Variants in ADAM12 observed in about 807,000 individuals in gnomAD.
The protein encoded by ADAM12 is disintegrin and metalloproteinase domain-containing protein 12.
Under a neutral mutation model 106.4 loss-of-function variants are expected in ADAM12, and 70 were observed. The ratio of observed to expected loss-of-function variants is 0.66; its 90% CI spans 0.54 to 0.80. ADAM12 has a LOEUF of 0.80. Among genes scored for constraint, ADAM12 ranks in the 30% least tolerant of loss-of-function variants. The pLI is 0.00. For missense variants in ADAM12, 1,010 were observed against 1,171.9 expected (o/e 0.86, Z 2.02); for synonymous variants, 420 against 433.5 (o/e 0.97, Z 0.39).
chr10:126,227,407 C>T (rs189965845), intron 3 of ADAM12, among the ~76,000 whole-genome samples: 4 of 152,196 alleles, frequency 2.6e-5, no homozygotes, highest in Non-Finnish European at 5.9e-5. Flanking sequence ...TCATCAACTT[C>T]ACGCACATTG....
At chr10:126,386,754 A>T (rs963661817) in intron 1 of ADAM12, among the ~76,000 whole-genome samples, 1 of 152,244 alleles carries the variant, frequency 6.6e-6, no homozygotes, top group Non-Finnish European at 1.5e-5. Flanking sequence ...CATGTCAGGC[A>T]CACTTTGAGA....
rs1023141089 is a variant in ADAM12, at chr10:126,066,354, T to C, written c.1413+363A>G. 6.6e-6 allele frequency among the ~76,000 whole-genome samples: 1 copy of C among 152,326 alleles called. No individual in the cohort carries two copies. Among genetic ancestry groups the C allele is most frequent in the Non-Finnish European group, 1.5e-5 (1 of 68,026 alleles). Reference sequence around the variant, plus strand: ...TCAAGAAGATGAACCTGGGGGAACCTGAGTGACAGTGGATGGGGACTTGTT... The same window carrying C: ...TCAAGAAGATGAACCTGGGGGAACCCGAGTGACAGTGGATGGGGACTTGTT... On this transcript the variant is annotated intron_variant, in intron 13 of 22. Transcript: ENST00000448723. This position sits in a 1 kb window ranked among gnomAD's most constrained non-coding sequence, Gnocchi z 5.1.
chr10:126,075,130 G>A (rs550816842), intron 11 of ADAM12, among the ~76,000 whole-genome samples: 1 of 152,180 alleles, frequency 6.6e-6, no homozygotes, highest in East Asian at 1.9e-4. Context: ...TCTATGTAAT[G>A]AAGAAAAAAA....
In ADAM12 at chr10:126,199,175, G is replaced by A. The variant is rs560543804; in HGVS notation, c.261-43870C>T. On this transcript the variant is annotated intron_variant, in intron 3 of 22. Coordinates refer to ENST00000448723, the MANE Select transcript of ADAM12 (RefSeq NM_001288973.2). ...ATAAGTTTAGACTAACCACCTGAAT[G>A]AAGGTTTCGTTTGGGGCAATTATCT... Among the ~76,000 whole-genome samples, 11 of 152,294 alleles carry A rather than the reference G, an allele frequency of 7.2e-5. No homozygotes were observed. In the South Asian group the frequency reaches 2.1e-3, roughly 29 times the overall value.
chr10:126,283,254 G>A (rs370091699), intron 2 of ADAM12, among the ~76,000 whole-genome samples: 5 of 152,220 alleles, frequency 3.3e-5, no homozygotes, highest in Middle Eastern at 3.4e-3. Flanking sequence ...AGCTCACCTC[G>A]CCTGCTGCCG....
chr10:126,133,532 A>G (rs1464268765), intron 5 of ADAM12, among the ~76,000 whole-genome samples: 1 of 151,994 alleles, frequency 6.6e-6, no homozygotes, highest in African/African-American at 2.4e-5. Context: ...ACACCTACCC[A>G]AGCCTCCGCT....
intron 2 of ADAM12, among the ~76,000 whole-genome samples, chr10:126,298,605 A>G (rs1297791823): frequency 2.0e-5 from 3 of 152,162 alleles, no homozygotes; most frequent in African/African-American, 7.2e-5. Context: ...CTCAGAAGCA[A>G]TATTTGAAGA....
intron 2 of ADAM12, among the ~76,000 whole-genome samples, chr10:126,298,982 C>T (rs1338303094): frequency 1.3e-5 from 2 of 152,006 alleles, no homozygotes; most frequent in Admixed American, 6.5e-5. Flanking sequence ...ATTCAGCAGC[C>T]GCAGATTGCA....
intron 3 of ADAM12, among the ~76,000 whole-genome samples, chr10:126,183,707 T>C (rs936158589): frequency 6.6e-6 from 1 of 152,228 alleles, no homozygotes; most frequent in Non-Finnish European, 1.5e-5. Flanking sequence ...TAAAGAGTCA[T>C]GGCTTCATCT....
chr10:126,154,785 T>C (rs1956784171), intron 4 of ADAM12, among the ~76,000 whole-genome samples: 1 of 152,168 alleles, frequency 6.6e-6, no homozygotes, highest in South Asian at 2.1e-4. Flanking sequence ...ACACCCACGA[T>C]ATAGAATCGT....
chr10:126,066,669 T>C lies in ADAM12; in HGVS notation c.1413+48A>G, dbSNP rs1320652385. The C allele has an allele frequency of 1.9e-6, 3 of 1,576,132 alleles. No individual in the cohort carries two copies. The highest frequency in any genetic ancestry group is 2.2e-5 in the South Asian group (2 of 90,258). ...TGCCCTGCATCAGATCTGAACCACC[T>C]GAACCTGTTGGCGACCTGGGGGTCA... On this transcript the variant is annotated intron_variant, in intron 13 of 22. Coordinates refer to ENST00000448723, the MANE Select transcript of ADAM12 (RefSeq NM_001288973.2). This position sits in a 1 kb window ranked among gnomAD's most constrained non-coding sequence, Gnocchi z 5.1.
At chr10:126,302,523 C>T (rs1214244167) in intron 2 of ADAM12, among the ~76,000 whole-genome samples, 2 of 152,166 alleles carry the variant, frequency 1.3e-5, no homozygotes, top group Non-Finnish European at 2.9e-5. Flanking sequence ...GAAGATTTCA[C>T]CCCTTTCGTG....
At chr10:126,159,282 C>T (rs977196713) in intron 3 of ADAM12, among the ~76,000 whole-genome samples, 5 of 124,714 alleles carry the variant, frequency 4.0e-5, no homozygotes, top group Non-Finnish European at 8.0e-5. Context: ...TGCACTCCAG[C>T]CTGGGCAACA....
intron 21 of ADAM12, among the ~76,000 whole-genome samples, chr10:126,031,283 A>G (rs757995385): frequency 4.6e-5 from 7 of 152,230 alleles, no homozygotes; most frequent in Non-Finnish European, 8.8e-5. Flanking sequence ...TCTCATTACA[A>G]ATTGGCATTT....
intron 9 of ADAM12, 134 bp from the exon 10 acceptor site, chr10:126,098,634 T>C (rs926623659): frequency 7.4e-6 from 5 of 678,900 alleles, no homozygotes; most frequent in Non-Finnish European, 1.2e-5. Flanking sequence ...TATATTCACA[T>C]GTGATTTTAT....
chr10:126,093,909 C>A, intron 11 of ADAM12, 76 bp downstream of exon 11: 1 of 1,575,400 alleles, frequency 6.3e-7, no homozygotes, highest in Non-Finnish European at 8.6e-7. Context: ...ACCAGAGACA[C>A]TTTGACTCAT....
At chr10:126,364,378 G>T (rs1212453308) in intron 1 of ADAM12, among the ~76,000 whole-genome samples, 1 of 152,026 alleles carries the variant, frequency 6.6e-6, no homozygotes, top group Admixed American at 6.6e-5. Context: ...GAAAAGAAAA[G>T]TTATTTATAA....
At position 126,049,406 on chromosome 10, in the gene ADAM12, C is replaced by T. The variant is rs1266940520; in HGVS notation, c.1764G>A (p.Arg588=). The T allele has an allele frequency of 6.2e-7, 1 of 1,614,062 alleles. No individual in the cohort carries two copies. Among genetic ancestry groups the T allele is most frequent in the African/African-American group, 1.3e-5 (1 of 74,922 alleles). ...AAACGGCATTGGTACCAATGACTGG[C>T]CGGCTGGCACCTCCTTGACACTGGA... ...GKIQCQGGAS[R]PVIGTNAVSI... Residue 588 remains arginine (R), a synonymous_variant, in exon 16 of 23, where the codon CGG becomes CGA. Coordinates refer to ENST00000448723, the MANE Select transcript of ADAM12 (RefSeq NM_001288973.2). The surrounding 1 kb of genome is among the most constrained non-coding windows in gnomAD (Gnocchi z 4.4).
chr10:126,260,339 C>G (rs915172146), intron 3 of ADAM12, among the ~76,000 whole-genome samples: 1 of 152,104 alleles, frequency 6.6e-6, no homozygotes, highest in African/African-American at 2.4e-5. Flanking sequence ...CAAAAGTGGT[C>G]GATGTTTACA....
Sources: allele counts gnomAD v4.1 joint callset (sites outside exome capture counted in the v4.1 genomes callset), GRCh38; gene constraint gnomAD v4.1.1; non-coding constraint Gnocchi (gnomAD v3.1); transcripts MANE v1.5; gene names NCBI Gene and HGNC (gene_info 2026-07-23, HGNC 2026-07-21).